The following MYT1L variants were observed in gnomAD, a reference collection of about 807,000 sequenced individuals.
MYT1L encodes myelin transcription factor 1-like protein.
In MYT1L, 12 loss-of-function variants were observed where a neutral mutation model predicts 126.7. The observed-to-expected ratio is 0.09, with a 90% CI of 0.06 to 0.15. The LOEUF (loss-of-function observed/expected upper bound fraction) is 0.15. MYT1L is among the 10% of genes least tolerant of loss of function. The pLI is 1.00. For missense variants in MYT1L, 979 were observed against 1,585.2 expected, an observed-to-expected ratio of 0.62 and a Z score of 6.49; for synonymous variants, 541 against 604.2, an observed-to-expected ratio of 0.90 and a Z score of 1.53.
chr2:2,125,711 C>A (rs547159224), intron 3 of MYT1L, among the ~76,000 whole-genome samples: 3 of 152,116 alleles, frequency 2.0e-5, no homozygotes, highest in Admixed American at 2.0e-4. Context: ...CAATGGCATT[C>A]TTTTATGGTA....
intron 2 of MYT1L, among the ~76,000 whole-genome samples, chr2:2,188,691 G>A (rs1339230657): frequency 6.6e-6 from 1 of 151,998 alleles, no homozygotes; most frequent in Admixed American, 6.6e-5. Context: ...GACTTCCTGG[G>A]GATCTGTCTC....
At chr2:2,221,058 GA>G (rs56209552) in intron 2 of MYT1L, among the ~76,000 whole-genome samples, 3 of 152,146 alleles carry the variant, frequency 2.0e-5, no homozygotes, top group Non-Finnish European at 4.4e-5. Flanking sequence ...GTGCACCTTG[GA>G]ATACTTGTTT....
chr2:2,233,533 T>C (rs1238321145), intron 2 of MYT1L, among the ~76,000 whole-genome samples: 1 of 152,186 alleles, frequency 6.6e-6, no homozygotes, highest in East Asian at 1.9e-4. Context: ...GGGCGGCCTC[T>C]GGTGTCTCAG....
chr2:1,938,111 G>A (rs1196404363), intron 9 of MYT1L, among the ~76,000 whole-genome samples: 1 of 152,210 alleles, frequency 6.6e-6, no homozygotes, highest in Non-Finnish European at 1.5e-5. Context: ...GCTTTCTTTA[G>A]TCTAGAAAGC....
At chr2:2,261,493 C>T (rs1299831570) in intron 2 of MYT1L, among the ~76,000 whole-genome samples, 1 of 152,200 alleles carries the variant, frequency 6.6e-6, no homozygotes, top group South Asian at 2.1e-4. Context: ...GTCCTCCCCC[C>T]TGTTAGGTAG....
At chr2:2,127,346 C>T (rs374254773) in intron 3 of MYT1L, among the ~76,000 whole-genome samples, 19 of 152,306 alleles carry the variant, frequency 1.2e-4, no homozygotes, top group African/African-American at 4.3e-4. Flanking sequence ...AGAGCCTCCT[C>T]GGTAAAGACA....
chr2:2,201,433 C>T (rs753362080), intron 2 of MYT1L, among the ~76,000 whole-genome samples: 2 of 152,116 alleles, frequency 1.3e-5, no homozygotes, highest in Non-Finnish European at 2.9e-5. Context: ...GGTGCGGTGG[C>T]TCATGCTTGT....
intron 3 of MYT1L, among the ~76,000 whole-genome samples, chr2:2,117,319 C>T (rs938940307): frequency 6.6e-6 from 1 of 151,950 alleles, no homozygotes; most frequent in African/African-American, 2.4e-5. Context: ...AAAAATAAAC[C>T]AGAGAAAATG....
intron 3 of MYT1L, among the ~76,000 whole-genome samples, chr2:2,072,841 A>G (rs1386880945): frequency 6.6e-6 from 1 of 152,192 alleles, no homozygotes; most frequent in Admixed American, 6.5e-5. Context: ...ATTTGCCATC[A>G]TTGTAAGTTT....
chr2:1,964,860 A>C (rs1459254217), intron 8 of MYT1L, among the ~76,000 whole-genome samples: 2 of 152,164 alleles, frequency 1.3e-5, no homozygotes, highest in East Asian at 3.9e-4. Flanking sequence ...TGTCTGGGAC[A>C]AGGCCCCTGC....
At chr2:1,872,032 C>T (rs955195842) in intron 18 of MYT1L, among the ~76,000 whole-genome samples, 4 of 152,114 alleles carry the variant, frequency 2.6e-5, no homozygotes, top group East Asian at 1.9e-4. Flanking sequence ...GGTAACTGAT[C>T]AAGGTGATGC....
At chr2:2,124,811 T>G (rs1406819828) in intron 3 of MYT1L, among the ~76,000 whole-genome samples, 3 of 152,128 alleles carry the variant, frequency 2.0e-5, no homozygotes, top group African/African-American at 7.2e-5. Context: ...GGCCAGACAC[T>G]TTGCTGAGGC....
At chr2:2,144,115 T>C (rs2084493360) in intron 3 of MYT1L, among the ~76,000 whole-genome samples, 1 of 152,140 alleles carries the variant, frequency 6.6e-6, no homozygotes, top group African/African-American at 2.4e-5. Context: ...AAGTTGAAGT[T>C]ATGGTTTACA....
At chr2:1,955,633 T>TG (rs1213202215) in intron 8 of MYT1L, among the ~76,000 whole-genome samples, 22 of 152,206 alleles carry the variant, frequency 1.4e-4, no homozygotes, top group African/African-American at 5.1e-4. Flanking sequence ...CCTTAAGACT[T>TG]GGTTATTATA....
intron 22 of MYT1L, 46 bp downstream of exon 22, chr2:1,809,030 G>A (rs1203086716): frequency 1.3e-6 from 2 of 1,564,048 alleles, no homozygotes; most frequent in African/African-American, 1.4e-5. Flanking sequence ...CGTGCCCGCT[G>A]GGCCTTCCTG....
At chr2:2,240,233 C>T (rs557126212) in intron 2 of MYT1L, among the ~76,000 whole-genome samples, 2 of 152,192 alleles carry the variant, frequency 1.3e-5, no homozygotes, top group Non-Finnish European at 2.9e-5. Context: ...GCGGAGGTTG[C>T]AGGGAGCTGA....
chr2:2,172,320 T>C (rs1257462351), intron 3 of MYT1L, among the ~76,000 whole-genome samples: 2 of 152,034 alleles, frequency 1.3e-5, no homozygotes, highest in Non-Finnish European at 2.9e-5. Context: ...CACGTGAGGG[T>C]CATGGGCACC....
At chr2:1,864,506 C>G (rs965250051) in intron 18 of MYT1L, among the ~76,000 whole-genome samples, 18 of 152,198 alleles carry the variant, frequency 1.2e-4, no homozygotes, top group African/African-American at 4.3e-4. Context: ...TGGGGCCCCA[C>G]AGAAAGTTTG....
chr2:2,236,522 C>T (rs1210256925), intron 2 of MYT1L, among the ~76,000 whole-genome samples: 3 of 141,022 alleles, frequency 2.1e-5, no homozygotes, highest in African/African-American at 8.1e-5. Context: ...CCCAACCCAA[C>T]CCAGCACATC....
Sources: allele counts gnomAD v4.1 joint callset (sites outside exome capture counted in the v4.1 genomes callset), GRCh38; gene constraint gnomAD v4.1.1; transcripts MANE v1.5; gene names NCBI Gene and HGNC (gene_info 2026-07-23, HGNC 2026-07-21).